Variants in QKI observed in about 807,000 individuals in gnomAD.
QKI encodes QKI, KH domain containing RNA binding.
A neutral mutation model predicts 39.0 loss-of-function variants in QKI; 10 were observed. That is an observed-to-expected ratio of 0.26 (90% CI 0.16 to 0.43). The LOEUF is 0.43. QKI is among the 20% of genes least tolerant of loss of function. The pLI is 1.00. For synonymous variants in QKI, 204 were observed against 155.4 expected, an observed-to-expected ratio of 1.31 and a Z score of -2.33; for missense variants, 218 against 428.0, an observed-to-expected ratio of 0.51 and a Z score of 4.33.
At chr6:163,436,809 AAAAAG>A (rs1230684464) in intron 1 of QKI, among the ~76,000 whole-genome samples, 1 of 151,738 alleles carries the variant, frequency 6.6e-6, no homozygotes, top group Admixed American at 6.6e-5. Flanking sequence ...AAAAAAAAAA[AAAAAG>A]GGAAGAAGAA....
intron 1 of QKI, among the ~76,000 whole-genome samples, chr6:163,444,591 A>G (rs1403817248): frequency 2.0e-5 from 3 of 152,210 alleles, no homozygotes; most frequent in Admixed American, 6.5e-5. Flanking sequence ...TTTTGCAGGG[A>G]AAGTCATCTG....
In QKI at chr6:163,577,680, A is replaced by C. The variant is rs1324102871; in HGVS notation, c.*6970A>C. 3.3e-5 allele frequency: 5 copies of C among 152,256 alleles called. No homozygotes were observed. Among genetic ancestry groups the C allele is most frequent in the African/African-American group, 4.8e-5 (2 of 41,358 alleles). 9.4% of individuals were successfully genotyped at this position (152,256 alleles called of 1,614,324 possible). ...CCCCCCGGCTCTCTGGCTCCTGTGG[A>C]TATCTGTGCTTGTTTCCTGGTCCAG... is the stretch of plus-strand genomic sequence containing the variant. On this transcript the variant is annotated 3_prime_UTR_variant, in exon 8 of 8. Transcript: ENST00000361752.
At chr6:163,560,494 G>A (rs1014237793) in intron 4 of QKI, among the ~76,000 whole-genome samples, 1 of 152,156 alleles carries the variant, frequency 6.6e-6, no homozygotes, top group Non-Finnish European at 1.5e-5. Flanking sequence ...AGTTTGTGGG[G>A]ATGGGGATAG....
At chr6:163,505,876 T>C (rs1779062821) in intron 3 of QKI, among the ~76,000 whole-genome samples, 1 of 152,046 alleles carries the variant, frequency 6.6e-6, no homozygotes, top group Admixed American at 6.5e-5. Flanking sequence ...AGGGGCGGAA[T>C]TACATGGATT....
intron 3 of QKI, among the ~76,000 whole-genome samples, chr6:163,493,397 G>A (rs1228557428): frequency 1.3e-5 from 2 of 152,052 alleles, no homozygotes; most frequent in Admixed American, 1.3e-4. Context: ...CCAAAGTGCT[G>A]GAATTACAGG....
At chr6:163,547,292 T>C (rs1260236400) in intron 4 of QKI, among the ~76,000 whole-genome samples, 1 of 152,238 alleles carries the variant, frequency 6.6e-6, no homozygotes, top group Non-Finnish European at 1.5e-5. Flanking sequence ...CTTCATTATA[T>C]ACAGAGACTT....
At chr6:163,496,410 T>G (rs1456703739) in intron 3 of QKI, among the ~76,000 whole-genome samples, 1 of 152,034 alleles carries the variant, frequency 6.6e-6, no homozygotes, top group African/African-American at 2.4e-5. Flanking sequence ...GGAGGTAAAG[T>G]ACCTTCTGTG....
chr6:163,523,707 A>T (rs556720739), intron 3 of QKI, among the ~76,000 whole-genome samples: 3 of 152,360 alleles, frequency 2.0e-5, no homozygotes, highest in South Asian at 4.1e-4. Flanking sequence ...TTAATATTTT[A>T]AAAACTGATG....
chr6:163,559,715 C>T (rs1782877868), intron 4 of QKI, among the ~76,000 whole-genome samples: 1 of 152,142 alleles, frequency 6.6e-6, no homozygotes, highest in Admixed American at 6.5e-5. Flanking sequence ...TTACTAAAAG[C>T]TCACTGAACA....
rs185921122 is a variant in QKI at position 163,511,354 on chromosome 6, G to T, written c.403-23628G>T. On this transcript the variant is annotated intron_variant, in intron 3 of 7. Coordinates refer to ENST00000361752, the MANE Select transcript of QKI (RefSeq NM_006775.3). ...GTAAACCCAAGGTAATGTAAAAAAA[G>T]GAAATAATAATAAATTCTTGAAATA... Among the ~76,000 whole-genome samples the T allele has an allele frequency of 3.9e-5, 6 of 151,908 alleles. No homozygotes were observed. The East Asian group carries it at 1.2e-3, about 29-fold the overall frequency.
chr6:163,467,411 A>G (rs1019138270), intron 2 of QKI, among the ~76,000 whole-genome samples: 1 of 152,266 alleles, frequency 6.6e-6, no homozygotes. Context: ...GGCTGTTCTC[A>G]GGATAAATCC....
intron 7 of QKI, chr6:163,568,320 A>T: frequency 2.0e-6 from 2 of 985,354 alleles, no homozygotes; most frequent in Non-Finnish European, 2.4e-6. Context: ...CTTTAACACA[A>T]TAATTATTGG....
At chr6:163,568,318 C>T (rs908622700) in intron 7 of QKI, 1 of 985,000 alleles carries the variant, frequency 1.0e-6, no homozygotes, top group African/African-American at 1.7e-5. Flanking sequence ...TGCTTTAACA[C>T]AATAATTATT....
At chr6:163,419,680 C>G (rs1180988965) in intron 1 of QKI, among the ~76,000 whole-genome samples, 1 of 152,128 alleles carries the variant, frequency 6.6e-6, no homozygotes, top group Non-Finnish European at 1.5e-5. Flanking sequence ...TCATTCTGTA[C>G]TTTTAAAGCT....
intron 3 of QKI, among the ~76,000 whole-genome samples, chr6:163,505,672 T>A (rs116442079): frequency 0.02 from 2,993 of 152,296 alleles, 96 homozygotes; most frequent in African/African-American, 0.068. Flanking sequence ...TGTACACCCA[T>A]TCTATCTTGG....
At chr6:163,495,259 T>C (rs190094481) in intron 3 of QKI, among the ~76,000 whole-genome samples, 3 of 152,276 alleles carry the variant, frequency 2.0e-5, no homozygotes, top group Non-Finnish European at 4.4e-5. Flanking sequence ...AACTGAATTA[T>C]GTATTGATGG....
At chr6:163,535,445 C>T (rs1016560920) in intron 4 of QKI, among the ~76,000 whole-genome samples, 1 of 152,022 alleles carries the variant, frequency 6.6e-6, no homozygotes, top group African/African-American at 2.4e-5. Context: ...CCTCTGCCCC[C>T]CTTCCTTGGG....
intron 4 of QKI, among the ~76,000 whole-genome samples, chr6:163,552,262 G>A (rs113141696): frequency 0.13 from 17,517 of 135,546 alleles, 1,311 homozygotes; most frequent in East Asian, 0.27. Flanking sequence ...AGGCCGGAGT[G>A]CAGTGACAAG....
In QKI at chr6:163,478,809, T is replaced by A; in HGVS notation, c.315T>A (p.Pro105=). 1 of 1,613,098 alleles carries A rather than the reference T, an allele frequency of 6.2e-7. No homozygotes were observed. The highest frequency in any genetic ancestry group is 1.1e-5 in the South Asian group (1 of 91,008). The part of the protein sequence containing the change: ...DFNFVGRILG[P]RGLTAKQLEA... ...ATTTTGTTGGGAGAATCCTTGGACC[T>A]AGAGGACTTACAGCCAAACAACTTG... The change falls in exon 3 of 8, where the codon CCT becomes CCA. Residue 105 remains proline (P), a synonymous_variant. Coordinates refer to ENST00000361752, the MANE Select transcript of QKI (RefSeq NM_006775.3).
Sources: gnomAD v4.1 joint callset for allele counts (sites outside exome capture counted in the v4.1 genomes callset) on GRCh38, gnomAD v4.1.1 for gene constraint, MANE v1.5 for transcripts, NCBI Gene and HGNC (gene_info 2026-07-23, HGNC 2026-07-21) for gene names.